XPO1: variants seen among roughly 807,000 people sequenced by gnomAD.
XPO1 encodes the protein exportin-1.
XPO1 carries 5 observed loss-of-function variants against 133.3 expected under a neutral mutation model. The ratio of observed to expected loss-of-function variants is 0.04; its 90% confidence interval spans 0.02 to 0.08. XPO1 has a LOEUF of 0.08. XPO1 is among the 10% of genes least tolerant of loss of function. The pLI, the probability that XPO1 is intolerant of heterozygous loss-of-function variation, is 1.00. For synonymous variants in XPO1, 419 were observed against 408.2 expected, an observed-to-expected ratio of 1.03 and a Z score of -0.32; for missense variants, 506 against 1,267.5, an observed-to-expected ratio of 0.40 and a Z score of 9.12.
intron 5 of XPO1, 42 bp from the exon 6 acceptor site, chr2:61,502,082 A>G (rs368095724): frequency 9.1e-5 from 142 of 1,557,244 alleles, no homozygotes; most frequent in Non-Finnish European, 1.2e-4. Flanking sequence ...TGAGGTAAGT[A>G]TAAATAAGAA....
At chr2:61,530,834 A>G (rs982393280) in intron 2 of XPO1, among the ~76,000 whole-genome samples, 1 of 152,102 alleles carries the variant, frequency 6.6e-6, no homozygotes, top group African/African-American at 2.4e-5. Context: ...TGAGTAGCAA[A>G]AAAAAAATTT....
chr2:61,480,300 A>C (rs1487779815), intron 24 of XPO1: 1 of 54,458 alleles, frequency 1.8e-5, no homozygotes, highest in Non-Finnish European at 3.8e-5. Context: ...TTTTTTTGAG[A>C]TGAAGTTTCA....
At chr2:61,518,077 C>T (rs1257567677) in intron 4 of XPO1, among the ~76,000 whole-genome samples, 2 of 151,658 alleles carry the variant, frequency 1.3e-5, no homozygotes, top group Admixed American at 1.3e-4. Flanking sequence ...GTGCAGTGAG[C>T]CAAGACTGCG....
intron 4 of XPO1, among the ~76,000 whole-genome samples, chr2:61,506,708 A>C (rs1415025926): frequency 6.6e-6 from 1 of 152,028 alleles, no homozygotes; most frequent in East Asian, 1.9e-4. Context: ...TAAATAAATA[A>C]ATAAATAATT....
chr2:61,526,729 C>CA (rs1272260179), intron 2 of XPO1, among the ~76,000 whole-genome samples: 1 of 136,868 alleles, frequency 7.3e-6, no homozygotes, highest in Non-Finnish European at 1.5e-5. Context: ...TTTTTTGAGA[C>CA]AGAGTCTTGG....
At chr2:61,501,583 C>T (rs1247214071) in intron 6 of XPO1, among the ~76,000 whole-genome samples, 2 of 151,740 alleles carry the variant, frequency 1.3e-5, no homozygotes, top group Admixed American at 6.6e-5. Context: ...ATTAGCCAAA[C>T]GTGGTGGTAA....
chr2:61,526,155 C>G, intron 3 of XPO1: 1 of 1,252,984 alleles, frequency 8.0e-7, no homozygotes, highest in Non-Finnish European at 1.0e-6. Context: ...CTACTTAGAC[C>G]TGTATACATA....
At chr2:61,502,785 T>C (rs913476559) in intron 4 of XPO1, among the ~76,000 whole-genome samples, 1 of 152,026 alleles carries the variant, frequency 6.6e-6, no homozygotes, top group East Asian at 1.9e-4. Flanking sequence ...GCTATTCATA[T>C]TTTTAAAGAT....
At chr2:61,483,865 C>G in intron 21 of XPO1, 72 bp downstream of exon 21, 1 of 1,521,636 alleles carries the variant, frequency 6.6e-7, no homozygotes, top group Non-Finnish European at 9.0e-7. Context: ...GTAATACCTT[C>G]CTATGTACAA....
intron 6 of XPO1, among the ~76,000 whole-genome samples, chr2:61,501,728 AAAAAAAAAAG>A (rs1558649306): frequency 4.2e-4 from 58 of 138,326 alleles, no homozygotes; most frequent in African/African-American, 1.4e-3. Context: ...CTCCAAAAAA[AAAAAAAAAAG>A]AAAAGAAAAG....
chr2:61,501,051 T>C (rs1697489125), intron 6 of XPO1, among the ~76,000 whole-genome samples: 1 of 152,184 alleles, frequency 6.6e-6, no homozygotes. Context: ...ACAAGGGATT[T>C]TTCAGATTAT....
intron 2 of XPO1, among the ~76,000 whole-genome samples, chr2:61,531,722 AGCT>A (rs1377960296): frequency 1.3e-5 from 2 of 152,266 alleles, no homozygotes; most frequent in Non-Finnish European, 2.9e-5. Flanking sequence ...CTCCAAAAGC[AGCT>A]GCTTTCTATG....
chr2:61,488,390 A>C, intron 18 of XPO1, 119 bp from the exon 19 acceptor site: 2 of 1,231,398 alleles, frequency 1.6e-6, no homozygotes, highest in Non-Finnish European at 2.3e-6. Flanking sequence ...AAAGTTCACA[A>C]AATTTATTGG....
intron 23 of XPO1, 66 bp downstream of exon 23, chr2:61,482,314 G>C: frequency 7.0e-7 from 1 of 1,426,432 alleles, no homozygotes; most frequent in South Asian, 1.5e-5. Flanking sequence ...CAAAGTGCTG[G>C]GATTACAGGT....
intron 4 of XPO1, among the ~76,000 whole-genome samples, chr2:61,516,172 G>A (rs1484350016): frequency 6.7e-6 from 1 of 150,054 alleles, no homozygotes; most frequent in Non-Finnish European, 1.5e-5. Flanking sequence ...TTGCATGGTG[G>A]CACATGCCTG....
intron 4 of XPO1, among the ~76,000 whole-genome samples, chr2:61,504,144 TA>T (rs1009113835): frequency 1.1e-4 from 17 of 152,104 alleles, no homozygotes; most frequent in African/African-American, 3.1e-4. Context: ...CACACAATGT[TA>T]AAAAAAAGAG....
At chr2:61,488,547 TTTG>T (rs1696806176) in intron 18 of XPO1, 38 bp downstream of exon 18, 1 of 1,569,180 alleles carries the variant, frequency 6.4e-7, no homozygotes. Context: ...AGAGAAGTGG[TTTG>T]TTTATACTGC....
chr2:61,482,701 G>C (rs1264299428), intron 22 of XPO1, 162 bp from the exon 23 acceptor site: 2 of 791,796 alleles, frequency 2.5e-6, no homozygotes, highest in Non-Finnish European at 3.8e-6. Flanking sequence ...TGCCTCCTCG[G>C]TCCAAGCCAT....
intron 12 of XPO1, chr2:61,493,552 T>C (rs1417086739): frequency 4.6e-6 from 1 of 217,464 alleles, no homozygotes; most frequent in Non-Finnish European, 9.1e-6. Context: ...AAAATGGCTT[T>C]ATAATTATTT....
Sources: allele counts gnomAD v4.1 joint callset (sites outside exome capture counted in the v4.1 genomes callset), GRCh38; gene constraint gnomAD v4.1.1; transcripts MANE v1.5; gene names NCBI Gene and HGNC (gene_info 2026-07-23, HGNC 2026-07-21).